Variants in FANCM observed in about 807,000 individuals in gnomAD.
FANCM encodes the protein Fanconi anemia group M protein.
FANCM carries 140 observed loss-of-function variants against 199.5 expected under a neutral mutation model. The observed-to-expected ratio is 0.70, with a 90% CI of 0.61 to 0.81. The LOEUF (loss-of-function observed/expected upper bound fraction) is 0.81, where lower values mean the gene tolerates loss of function less well. FANCM is among the 30% of genes least tolerant of loss of function. The pLI is 0.00. For synonymous variants in FANCM, 840 were observed against 836.8 expected, an observed-to-expected ratio of 1.00 and a Z score of -0.07; for missense variants, 2,410 against 2,421.4, an observed-to-expected ratio of 1.00 and a Z score of 0.10.
chr14:45,141,355 AC>A (rs1394820510), intron 3 of FANCM, among the ~76,000 whole-genome samples: 1 of 151,654 alleles, frequency 6.6e-6, no homozygotes, highest in African/African-American at 2.4e-5. Flanking sequence ...AATAATAAGA[AC>A]TTTTATATGG....
intron 20 of FANCM, among the ~76,000 whole-genome samples, chr14:45,190,215 T>TA: frequency 6.6e-6 from 1 of 152,180 alleles, no homozygotes; most frequent in Non-Finnish European, 1.5e-5. Flanking sequence ...GGTTTATAGT[T>TA]ACAGTAATTT....
At chr14:45,160,498 G>T (rs540513109) in intron 9 of FANCM, among the ~76,000 whole-genome samples, 3 of 146,516 alleles carry the variant, frequency 2.0e-5, no homozygotes, top group African/African-American at 7.6e-5. Flanking sequence ...AAGTTTTTTT[G>T]TATTTTTAGT....
chr14:45,144,473 C>T (rs1264537845), intron 3 of FANCM, among the ~76,000 whole-genome samples: 2 of 152,154 alleles, frequency 1.3e-5, no homozygotes, highest in Non-Finnish European at 2.9e-5. Flanking sequence ...GAGATGCCAT[C>T]TAGGAGCCAG....
At chr14:45,145,825 C>T (rs1458204973) in intron 3 of FANCM, among the ~76,000 whole-genome samples, 6 of 151,574 alleles carry the variant, frequency 4.0e-5, no homozygotes, top group East Asian at 1.9e-4. Context: ...TTTGGGAGGC[C>T]GAGGCGGGCG....
Position 45,154,795 on chromosome 14 carries a change from G to C in FANCM, c.1282G>C (p.Ala428Pro), listed in dbSNP as rs1177585747. 1 of 1,607,740 alleles carries C rather than the reference G, an allele frequency of 6.2e-7. No homozygotes were observed. The highest frequency in any genetic ancestry group is 1.1e-5 in the South Asian group (1 of 90,406). Residue 428 changes from alanine to proline, a missense_variant, in exon 7 of 23, where the codon GCA becomes CCA. By Grantham distance (27) the Ala-to-Pro change is conservative. Coordinates refer to ENST00000267430, the MANE Select transcript of FANCM (RefSeq NM_020937.4). ...CMFARTRSTS[A>P]NGISAIQQGD... ...GTTTGCACGTACACGTAGTACTTCA[G>C]CAAATGGTATTTCTGCTATCCAACA...
intron 4 of FANCM, 90 bp downstream of exon 4, chr14:45,149,085 T>G: frequency 9.5e-7 from 1 of 1,052,656 alleles, no homozygotes; most frequent in Admixed American, 2.4e-5. Flanking sequence ...GATAATATAG[T>G]TATCTTATTT....
chr14:45,138,635 A>G (rs1427277102), intron 2 of FANCM, among the ~76,000 whole-genome samples: 1 of 152,166 alleles, frequency 6.6e-6, no homozygotes, highest in African/African-American at 2.4e-5. Context: ...AAACACTTAA[A>G]AATTTTTTAA....
At chr14:45,156,024 A>G (rs1233734376) in intron 8 of FANCM, among the ~76,000 whole-genome samples, 1 of 152,200 alleles carries the variant, frequency 6.6e-6, no homozygotes. Context: ...GAGTAAAACA[A>G]TATATAGTAC....
intron 14 of FANCM, among the ~76,000 whole-genome samples, chr14:45,180,456 T>C (rs1317603881): frequency 2.0e-5 from 3 of 152,042 alleles, no homozygotes; most frequent in African/African-American, 4.8e-5. Context: ...TTTTTGTTTT[T>C]TCCCCCACCA....
Position 45,176,271 on chromosome 14 carries a change from G to T in FANCM, c.3517G>T (p.Val1173Phe), listed in dbSNP as rs772176794. The T allele has an allele frequency of 6.2e-7, 1 of 1,613,870 alleles. No homozygotes were observed. The highest frequency in any genetic ancestry group is 8.5e-7 in the Non-Finnish European group (1 of 1,179,938). The change falls in exon 14 of 23, where the codon GTC becomes TTC. Residue 1173 changes from valine to phenylalanine, a missense_variant. Physicochemically the swap from Val to Phe is conservative, Grantham distance 50. Coordinates refer to ENST00000267430, the MANE Select transcript of FANCM (RefSeq NM_020937.4). ...AACTGCTATTAGTGAAACGCCTCTG[G>T]TCTCTCAGTTCTTAATTTCTGATGA... ...DKTAISETPL[V>F]SQFLISDELL...
chr14:45,161,553 C>T (rs1887608214), intron 9 of FANCM, among the ~76,000 whole-genome samples: 1 of 152,050 alleles, frequency 6.6e-6, no homozygotes, highest in Non-Finnish European at 1.5e-5. Flanking sequence ...CTAGGTTAGG[C>T]AGATTGCTTG....
At chr14:45,156,057 A>G (rs1361633248) in intron 8 of FANCM, among the ~76,000 whole-genome samples, 1 of 152,202 alleles carries the variant, frequency 6.6e-6, no homozygotes. Flanking sequence ...AAAGTAGATT[A>G]GGAGAGAGAG....
chr14:45,174,228 A>G (rs560074689), intron 13 of FANCM, among the ~76,000 whole-genome samples: 2 of 152,146 alleles, frequency 1.3e-5, no homozygotes, highest in Non-Finnish European at 2.9e-5. Flanking sequence ...CTGTACTAAA[A>G]ATACAAAAAT....
At chr14:45,170,827 T>A (rs999930373) in intron 12 of FANCM, 81 bp downstream of exon 12, 10 of 1,143,088 alleles carry the variant, frequency 8.7e-6, no homozygotes, top group Non-Finnish European at 1.2e-5. Context: ...TTTATAATGA[T>A]CAAGCAATAG....
At chr14:45,187,125 A>C (rs1347495303) in intron 18 of FANCM, among the ~76,000 whole-genome samples, 1 of 152,200 alleles carries the variant, frequency 6.6e-6, no homozygotes. Context: ...GGAAGGCTGC[A>C]GATGAAGCAA....
At chr14:45,150,014 A>G (rs11157432) in intron 4 of FANCM, among the ~76,000 whole-genome samples, 10,256 of 152,300 alleles carry the variant, frequency 0.067, 486 homozygotes, top group South Asian at 0.097. Context: ...TGTCATTTTC[A>G]CTGGGAGAAA....
At chr14:45,158,240 TA>T (rs1240923592) in intron 8 of FANCM, among the ~76,000 whole-genome samples, 1 of 152,114 alleles carries the variant, frequency 6.6e-6, no homozygotes, top group African/African-American at 2.4e-5. Flanking sequence ...CAGTATGCAA[TA>T]ATTAGCCAAT....
intron 4 of FANCM, among the ~76,000 whole-genome samples, chr14:45,150,503 A>G (rs1886739276): frequency 6.6e-6 from 1 of 152,208 alleles, no homozygotes. Context: ...ACACTTACAT[A>G]CTGCGGTAGT....
chr14:45,192,043 T>C (rs1303410953), intron 20 of FANCM, among the ~76,000 whole-genome samples: 1 of 152,036 alleles, frequency 6.6e-6, no homozygotes, highest in Non-Finnish European at 1.5e-5. Flanking sequence ...TATTCATTTT[T>C]AAAAATTAAA....
Sources: gnomAD v4.1 joint callset for allele counts (sites outside exome capture counted in the v4.1 genomes callset) on GRCh38, gnomAD v4.1.1 for gene constraint, MANE v1.5 for transcripts, NCBI Gene and HGNC (gene_info 2026-07-23, HGNC 2026-07-21) for gene names.